Variants in ACACA observed in about 807,000 individuals in gnomAD.
ACACA encodes the protein acetyl-CoA carboxylase 1.
A neutral mutation model predicts 296.1 loss-of-function variants in ACACA; 103 were observed. The observed-to-expected ratio is 0.35, with a 90% confidence interval of 0.30 to 0.41. ACACA has a LOEUF of 0.41. ACACA is among the 10% of genes least tolerant of loss of function. The pLI is 1.00. For missense variants in ACACA, 1,554 were observed against 2,989.7 expected, an observed-to-expected ratio of 0.52 and a Z score of 11.20; for synonymous variants, 953 against 1,038.6, an observed-to-expected ratio of 0.92 and a Z score of 1.58.
At chr17:37,131,969 G>A (rs2075119602) in intron 45 of ACACA, among the ~76,000 whole-genome samples, 1 of 152,150 alleles carries the variant, frequency 6.6e-6, no homozygotes, top group Non-Finnish European at 1.5e-5. Context: ...CTCTCAGTCC[G>A]TCTTTAATCT....
At chr17:37,095,769 C>G (rs1268384037) in intron 54 of ACACA, among the ~76,000 whole-genome samples, 1 of 152,176 alleles carries the variant, frequency 6.6e-6, no homozygotes, top group Admixed American at 6.5e-5. Flanking sequence ...ATATTAATTA[C>G]TAATAAAGGT....
At chr17:37,357,477 A>G (rs1310942286) in intron 1 of ACACA, among the ~76,000 whole-genome samples, 2 of 152,208 alleles carry the variant, frequency 1.3e-5, no homozygotes, top group Admixed American at 1.3e-4. Context: ...TGGGTGACAG[A>G]GCAAGACTCC....
intron 52 of ACACA, 36 bp downstream of exon 52, chr17:37,111,495 G>A: frequency 6.7e-7 from 1 of 1,482,258 alleles, no homozygotes; most frequent in Non-Finnish European, 9.4e-7. Context: ...TCAGCTGAAT[G>A]GCTCATTGAT....
In ACACA at chr17:37,296,572, T is replaced by C. The variant is rs574790714; in HGVS notation, c.339-11602A>G. On this transcript the variant is annotated intron_variant, in intron 3 of 55. Transcript: ENST00000616317. ...CGCCTGCCTCGGCCTCCCAAAGTGC[T>C]GGGATTACAGGCATGAGCCACCATG... Among the ~76,000 whole-genome samples the C allele has an allele frequency of 3.9e-5, 6 of 152,146 alleles. No individual in the cohort carries two copies. The East Asian group carries it at 9.7e-4, about 25-fold the overall frequency.
intron 3 of ACACA, among the ~76,000 whole-genome samples, chr17:37,321,206 C>G (rs955263273): frequency 6.6e-6 from 1 of 152,190 alleles, no homozygotes; most frequent in African/African-American, 2.4e-5. Context: ...CTATTGTCCT[C>G]TAAACTTCTC....
At chr17:37,198,028 A>C (rs976427941) in intron 35 of ACACA, among the ~76,000 whole-genome samples, 1 of 152,226 alleles carries the variant, frequency 6.6e-6, no homozygotes, top group African/African-American at 2.4e-5. Flanking sequence ...GATTTTGCCT[A>C]TACATGTCCC....
At chr17:37,100,728 G>A (rs1297371014) in intron 52 of ACACA, among the ~76,000 whole-genome samples, 1 of 151,906 alleles carries the variant, frequency 6.6e-6, no homozygotes, top group African/African-American at 2.4e-5. Flanking sequence ...TACAGTTCTT[G>A]ATTTTGATAA....
chr17:37,406,180 G>A (rs2051498014), intron 1 of ACACA, 82 bp downstream of exon 1: 1 of 1,491,796 alleles, frequency 6.7e-7, no homozygotes, highest in East Asian at 2.3e-5. Flanking sequence ...TTTGTGCAAT[G>A]TCTGGCATGC....
intron 3 of ACACA, 123 bp from the exon 4 acceptor site, chr17:37,285,093 C>G (rs528538698): frequency 9.1e-7 from 1 of 1,097,258 alleles, no homozygotes; most frequent in South Asian, 1.4e-5. Flanking sequence ...TGGCAGGTCA[C>G]GTACTTTTCA....
chr17:37,247,428 C>T (rs1219847583), intron 18 of ACACA, among the ~76,000 whole-genome samples: 2 of 146,088 alleles, frequency 1.4e-5, no homozygotes, highest in South Asian at 2.1e-4. Flanking sequence ...AGTGCAATGG[C>T]GTGATCTCGG....
chr17:37,270,473 T>G (rs573462159), intron 10 of ACACA, among the ~76,000 whole-genome samples: 1 of 152,168 alleles, frequency 6.6e-6, no homozygotes, highest in Non-Finnish European at 1.5e-5. Flanking sequence ...ACGCACCAGG[T>G]AGGAAAGAGC....
rs371868938 is a variant in ACACA, at chr17:37,307,046, A to G, written c.339-22076T>C. On this transcript the variant is annotated intron_variant, in intron 3 of 55. Coordinates refer to ENST00000616317, the MANE Select transcript of ACACA (RefSeq NM_198834.3). ...GCTTACCACTTGGTCGAATTTATGG[A>G]AAAAAAAATTCACCCATGTTGTGAT... 4.9e-4 allele frequency among the ~76,000 whole-genome samples: 74 copies of G among 151,854 alleles called. No homozygotes were observed. The Middle Eastern group carries it at 0.01, about 21-fold the overall frequency.
chr17:37,259,033 CAAAAAT>C (rs1191614093), intron 12 of ACACA, among the ~76,000 whole-genome samples: 2 of 151,992 alleles, frequency 1.3e-5, no homozygotes, highest in African/African-American at 4.8e-5. Context: ...AGTAAAAAAA[CAAAAAT>C]GAGTAGGGAA....
chr17:37,350,870 C>T (rs1006931249), intron 1 of ACACA, among the ~76,000 whole-genome samples: 7 of 152,126 alleles, frequency 4.6e-5, no homozygotes, highest in African/African-American at 1.2e-4. Flanking sequence ...CAGTGGCCCA[C>T]GCCTGTAATC....
chr17:37,346,651 G>A (rs764366258), intron 1 of ACACA, among the ~76,000 whole-genome samples: 6 of 143,608 alleles, frequency 4.2e-5, no homozygotes, highest in African/African-American at 1.1e-4. Context: ...GCAGTGAGCC[G>A]AGATCACACC....
intron 41 of ACACA, among the ~76,000 whole-genome samples, chr17:37,168,864 T>C (rs1567754534): frequency 6.6e-6 from 1 of 152,232 alleles, no homozygotes; most frequent in Admixed American, 6.5e-5. Context: ...GATGGTTAAA[T>C]ACATATTTAT....
At chr17:37,135,084 C>T (rs776082292) in intron 45 of ACACA, among the ~76,000 whole-genome samples, 1 of 152,182 alleles carries the variant, frequency 6.6e-6, no homozygotes, top group South Asian at 2.1e-4. Flanking sequence ...AGCTAATATC[C>T]TCCTCCCTGA....
intron 54 of ACACA, among the ~76,000 whole-genome samples, chr17:37,094,970 G>C (rs1267757410): frequency 6.6e-6 from 1 of 152,254 alleles, no homozygotes; most frequent in East Asian, 1.9e-4. Flanking sequence ...TACACACGTG[G>C]TCAACTGTTC....
intron 30 of ACACA, 104 bp downstream of exon 30, chr17:37,210,363 A>G (rs988201204): frequency 1.1e-5 from 12 of 1,077,546 alleles, no homozygotes; most frequent in Non-Finnish European, 1.7e-5. Context: ...CCTAGCAGAT[A>G]ACACATTATC....
Sources: allele counts gnomAD v4.1 joint callset (sites outside exome capture counted in the v4.1 genomes callset), GRCh38; gene constraint gnomAD v4.1.1; transcripts MANE v1.5; gene names NCBI Gene and HGNC (gene_info 2026-07-23, HGNC 2026-07-21).